ARID1B: variants seen among roughly 807,000 people sequenced by gnomAD.
The protein encoded by ARID1B is AT-rich interactive domain-containing protein 1B.
A neutral mutation model predicts 212.3 loss-of-function variants in ARID1B; 30 were observed. The ratio of observed to expected loss-of-function variants is 0.14; its 90% CI spans 0.11 to 0.19. The LOEUF is 0.19. ARID1B is among the 10% of genes least tolerant of loss of function. ARID1B has a pLI of 1.00. For synonymous variants in ARID1B, 1,402 were observed against 1,301.7 expected, an observed-to-expected ratio of 1.08 and a Z score of -1.66; for missense variants, 2,891 against 3,204.0, an observed-to-expected ratio of 0.90 and a Z score of 2.36.
chr6:157,175,958 A>C (rs1792073495), intron 11 of ARID1B: 1 of 152,212 alleles, frequency 6.6e-6, no homozygotes, highest in Non-Finnish European at 1.5e-5. Context: ...ACGGCTCAGG[A>C]AGGCAAGTTG....
intron 6 of ARID1B, among the ~76,000 whole-genome samples, chr6:157,125,336 TC>T (rs896078452): frequency 3.9e-5 from 6 of 152,174 alleles, no homozygotes; most frequent in African/African-American, 1.4e-4. Flanking sequence ...TGCTGGCTTT[TC>T]TTGTGGTGTG....
chr6:156,969,852 T>C (rs1276280549), intron 4 of ARID1B, among the ~76,000 whole-genome samples: 1 of 151,688 alleles, frequency 6.6e-6, no homozygotes, highest in East Asian at 1.9e-4. Context: ...ATAATTTCAA[T>C]TTGTTTTCTT....
intron 4 of ARID1B, among the ~76,000 whole-genome samples, chr6:156,976,019 G>A (rs911274105): frequency 8.6e-5 from 13 of 151,916 alleles, no homozygotes; most frequent in African/African-American, 1.7e-4. Flanking sequence ...CGGGTGTATC[G>A]TACAAAGTAC....
chr6:157,080,544 T>G (rs1164195703), intron 4 of ARID1B, among the ~76,000 whole-genome samples: 1 of 152,216 alleles, frequency 6.6e-6, no homozygotes, highest in African/African-American at 2.4e-5. Context: ...CCCATGCATC[T>G]TCTTTGTGGG....
Position 157,207,418 on chromosome 6 carries a change from G to A in ARID1B, c.6646G>A (p.Asp2216Asn), listed in dbSNP as rs2128397939. 1 of 1,614,118 alleles carries A rather than the reference G, an allele frequency of 6.2e-7. No individual in the cohort carries two copies. Among genetic ancestry groups the A allele is most frequent in the South Asian group, 1.1e-5 (1 of 91,078 alleles). The stretch of plus-strand genomic sequence containing the variant: ...GACCCTCTGTAAACTCAGTATCCAG[G>A]ACAATAATGTGGACCTGATCTTGGC... The part of the protein sequence containing the change: ...LETLCKLSIQ[D>N]NNVDLILATP... Residue 2216 changes from aspartate to asparagine, a missense_variant, in exon 20 of 20, where the codon GAC (aspartate) becomes AAC (asparagine). Physicochemically the swap from Asp to Asn is conservative, Grantham distance 23. Coordinates refer to ENST00000636930, the MANE Select transcript of ARID1B (RefSeq NM_001374828.1). This position sits in a 1 kb window ranked among gnomAD's most constrained non-coding sequence, Gnocchi z 8.5.
At chr6:157,098,306 A>G (rs1583302608) in intron 5 of ARID1B, among the ~76,000 whole-genome samples, 1 of 152,154 alleles carries the variant, frequency 6.6e-6, no homozygotes, top group Non-Finnish European at 1.5e-5. Flanking sequence ...AAAGTTCAGA[A>G]CCTACCTCTT....
rs562240563 is a variant in ARID1B, at chr6:157,005,103, G to A, written c.2247+69527G>A. 3.3e-5 allele frequency among the ~76,000 whole-genome samples: 5 copies of A among 149,886 alleles called. No individual in the cohort carries two copies. The East Asian group carries it at 5.9e-4, about 18-fold the overall frequency. On this transcript the variant is annotated intron_variant, in intron 4 of 19. Coordinates refer to ENST00000636930, the MANE Select transcript of ARID1B (RefSeq NM_001374828.1). ...AATTTTTTGTATTTTTAGTAGAGAC[G>A]GGGTTTCACCATGTTGGCCAGGCTG... is the stretch of plus-strand genomic sequence containing the variant.
chr6:156,984,405 C>A (rs777920267), intron 4 of ARID1B, among the ~76,000 whole-genome samples: 14 of 152,050 alleles, frequency 9.2e-5, no homozygotes, highest in African/African-American at 2.9e-4. Flanking sequence ...TTTTAAGGTA[C>A]CAGAATACTG....
At chr6:157,110,965 T>C (rs893048856) in intron 6 of ARID1B, 2 of 180,988 alleles carry the variant, frequency 1.1e-5, no homozygotes, top group Non-Finnish European at 2.4e-5. Flanking sequence ...TTCCCTGATA[T>C]TTAATAGTAA....
At position 157,003,996 on chromosome 6, in the gene ARID1B, G is replaced by A. The variant is rs117716359; in HGVS notation, c.2247+68420G>A. 6.8e-4 allele frequency among the ~76,000 whole-genome samples: 103 copies of A among 152,230 alleles called. 1 individual carries two copies. Among genetic ancestry groups the A allele is most frequent in the Non-Finnish European group, 5.7e-4 (39 of 68,012 alleles). On this transcript the variant is annotated intron_variant, in intron 4 of 19. Transcript: ENST00000636930. ...CAAAAAGGACAAAAATTAGCCCGGT[G>A]TGGTGGTGCATGCCAGCAGAGTAAA...
chr6:157,182,474 A>C (rs1450505534), intron 12 of ARID1B, among the ~76,000 whole-genome samples: 1 of 152,182 alleles, frequency 6.6e-6, no homozygotes, highest in Non-Finnish European at 1.5e-5. Flanking sequence ...TCTGTGCCCA[A>C]GGTAATCTAA....
intron 4 of ARID1B, among the ~76,000 whole-genome samples, chr6:157,020,487 TTAAC>T (rs1163549041): frequency 1.3e-5 from 2 of 152,202 alleles, no homozygotes; most frequent in African/African-American, 4.8e-5. Context: ...AACCCAAACT[TTAAC>T]TTTTTTATAA....
chr6:156,934,526 T>C (rs761155017), intron 3 of ARID1B, among the ~76,000 whole-genome samples: 2 of 152,160 alleles, frequency 1.3e-5, no homozygotes, highest in Admixed American at 6.5e-5. Flanking sequence ...TTATTCTTTA[T>C]GATGGTTCTC....
chr6:157,045,015 A>G (rs1409203754), intron 4 of ARID1B, among the ~76,000 whole-genome samples: 3 of 152,226 alleles, frequency 2.0e-5, no homozygotes, highest in African/African-American at 7.2e-5. Flanking sequence ...CAGCCATTTT[A>G]AAAATTGATT....
intron 2 of ARID1B, chr6:156,870,221 C>T (rs755053516): frequency 6.6e-6 from 1 of 152,300 alleles, no homozygotes; most frequent in South Asian, 2.1e-4. Context: ...GAGGTGGCAA[C>T]CAGAGAAGCT....
At chr6:156,894,594 C>CGTATATA (rs1788237194) in intron 2 of ARID1B, among the ~76,000 whole-genome samples, 1 of 152,204 alleles carries the variant, frequency 6.6e-6, no homozygotes, top group African/African-American at 2.4e-5. Context: ...GGAGTTTTCA[C>CGTATATA]CACACTTGAA....
intron 8 of ARID1B, chr6:157,166,789 C>T (rs1313426619): frequency 2.6e-6 from 1 of 379,178 alleles, no homozygotes; most frequent in Non-Finnish European, 4.7e-6. Flanking sequence ...TAACCTGGAA[C>T]ACTTGACATG....
intron 4 of ARID1B, chr6:156,937,058 T>TCCC (rs201580897): frequency 4.0e-5 from 6 of 148,272 alleles, no homozygotes; most frequent in African/African-American, 1.5e-4. Flanking sequence ...TGTGGTGTTT[T>TCCC]TCCCCCCCCC....
At chr6:156,991,776 T>C (rs1490675353) in intron 4 of ARID1B, among the ~76,000 whole-genome samples, 1 of 152,234 alleles carries the variant, frequency 6.6e-6, no homozygotes. Context: ...CTGAGTTTTT[T>C]CCCAAACATT....
Sources: allele counts gnomAD v4.1 joint callset (sites outside exome capture counted in the v4.1 genomes callset), GRCh38; gene constraint gnomAD v4.1.1; non-coding constraint Gnocchi (gnomAD v3.1); transcripts MANE v1.5; gene names NCBI Gene and HGNC (gene_info 2026-07-23, HGNC 2026-07-21).